Variants in OPCML observed in about 807,000 individuals in gnomAD.
The protein encoded by OPCML is opioid-binding protein/cell adhesion molecule.
A neutral mutation model predicts 37.8 loss-of-function variants in OPCML; 13 were observed. The observed-to-expected ratio is 0.34, with a 90% CI of 0.22 to 0.55. OPCML has a LOEUF of 0.55. Among genes scored for constraint, OPCML ranks in the 20% least tolerant of loss-of-function variants. The pLI, the probability that OPCML is intolerant of heterozygous loss-of-function variation, is 0.91. For synonymous variants in OPCML, 176 were observed against 168.8 expected (o/e 1.04, Z -0.33); for missense variants, 341 against 435.6 (o/e 0.78, Z 1.93).
At chr11:133,461,784 T>C (rs1431306957) in intron 1 of OPCML, among the ~76,000 whole-genome samples, 1 of 151,860 alleles carries the variant, frequency 6.6e-6, no homozygotes, top group African/African-American at 2.4e-5. Flanking sequence ...AAATTTATTC[T>C]AAAAGTCATA....
intron 2 of OPCML, among the ~76,000 whole-genome samples, chr11:132,849,815 C>G (rs996800587): frequency 2.0e-5 from 3 of 152,124 alleles, no homozygotes; most frequent in Non-Finnish European, 4.4e-5. Context: ...ACATGTAAAC[C>G]GGGGCAAATG....
chr11:132,661,438 C>T (rs1236122663), intron 2 of OPCML, among the ~76,000 whole-genome samples: 1 of 152,152 alleles, frequency 6.6e-6, no homozygotes, highest in African/African-American at 2.4e-5. Context: ...CCATAGGACT[C>T]TTCCATAGTC....
intron 2 of OPCML, among the ~76,000 whole-genome samples, chr11:132,793,594 T>C (rs1938089698): frequency 6.6e-6 from 1 of 152,154 alleles, no homozygotes; most frequent in Non-Finnish European, 1.5e-5. Context: ...TTTGAGGGTG[T>C]CTAATGCTCT....
chr11:132,985,870 A>G (rs1211745677), intron 1 of OPCML, among the ~76,000 whole-genome samples: 1 of 151,770 alleles, frequency 6.6e-6, no homozygotes. Flanking sequence ...GTCTGAATGT[A>G]TTTTCTCTTG....
chr11:132,883,031 A>G (rs1028225194), intron 2 of OPCML, among the ~76,000 whole-genome samples: 8 of 152,218 alleles, frequency 5.3e-5, no homozygotes, highest in Non-Finnish European at 1.0e-4. Flanking sequence ...GCGACAGTTG[A>G]AAAAGAATTC....
chr11:132,589,560 A>AT (rs2096480809), intron 3 of OPCML, among the ~76,000 whole-genome samples: 5 of 152,200 alleles, frequency 3.3e-5, no homozygotes, highest in African/African-American at 1.2e-4. Context: ...ACAAGAAGAT[A>AT]ATAGATTTTG....
At chr11:132,962,302 C>T (rs1047833649) in intron 1 of OPCML, among the ~76,000 whole-genome samples, 1 of 152,196 alleles carries the variant, frequency 6.6e-6, no homozygotes, top group Non-Finnish European at 1.5e-5. Context: ...CTCAGCCAAT[C>T]CCGGCCCGGG....
intron 1 of OPCML, chr11:133,009,121 A>G: frequency 1.0e-6 from 1 of 985,392 alleles, no homozygotes; most frequent in East Asian, 1.1e-4. Flanking sequence ...AATTCTATTT[A>G]ACAGAGAACA....
At chr11:133,295,670 G>A (rs975553516) in intron 1 of OPCML, among the ~76,000 whole-genome samples, 8 of 152,222 alleles carry the variant, frequency 5.3e-5, no homozygotes, top group African/African-American at 1.9e-4. Context: ...CCAGAGGGCT[G>A]CTGGTTGGCT....
chr11:132,772,779 C>T (rs1045806384), intron 2 of OPCML: 6 of 152,222 alleles, frequency 3.9e-5, no homozygotes, highest in African/African-American at 1.2e-4. Flanking sequence ...CTGTGAGCTA[C>T]ATCTCAAATG....
intron 1 of OPCML, among the ~76,000 whole-genome samples, chr11:133,270,922 G>A (rs894256861): frequency 6.6e-6 from 1 of 152,176 alleles, no homozygotes; most frequent in Non-Finnish European, 1.5e-5. Flanking sequence ...TTAGCCTGAG[G>A]AAGCTGTTGA....
chr11:132,608,850 G>A (rs891761674), intron 3 of OPCML, among the ~76,000 whole-genome samples: 3 of 152,056 alleles, frequency 2.0e-5, no homozygotes, highest in Non-Finnish European at 4.4e-5. Context: ...TCTGATCACC[G>A]CATCATCCTT....
intron 2 of OPCML, among the ~76,000 whole-genome samples, chr11:132,805,032 A>G (rs774948207): frequency 5.3e-5 from 8 of 152,222 alleles, no homozygotes; most frequent in Non-Finnish European, 1.2e-4. Flanking sequence ...ACAAAATTAT[A>G]GGAAAATATG....
chr11:132,528,312 G>A (rs1197182107), intron 4 of OPCML, among the ~76,000 whole-genome samples: 1 of 152,152 alleles, frequency 6.6e-6, no homozygotes, highest in Non-Finnish European at 1.5e-5. Flanking sequence ...ATGTTTGAAT[G>A]TTTAATGCCT....
intron 2 of OPCML, among the ~76,000 whole-genome samples, chr11:132,881,326 T>C (rs1943215671): frequency 6.6e-6 from 1 of 152,082 alleles, no homozygotes; most frequent in African/African-American, 2.4e-5. Context: ...GCGCCACACC[T>C]GGGAAGGGAA....
chr11:133,155,686 T>G (rs1660435995), intron 1 of OPCML, among the ~76,000 whole-genome samples: 1 of 152,212 alleles, frequency 6.6e-6, no homozygotes, highest in Non-Finnish European at 1.5e-5. Flanking sequence ...AGAACTCTTT[T>G]CTGAACTCAA....
intron 1 of OPCML, among the ~76,000 whole-genome samples, chr11:133,027,263 A>G (rs1350822211): frequency 6.6e-6 from 1 of 152,236 alleles, no homozygotes; most frequent in Non-Finnish European, 1.5e-5. Flanking sequence ...AACACAGGAG[A>G]CAATAGTAAT....
intron 2 of OPCML, among the ~76,000 whole-genome samples, chr11:132,692,006 C>T (rs899266623): frequency 2.6e-5 from 4 of 152,158 alleles, no homozygotes; most frequent in South Asian, 4.1e-4. Flanking sequence ...TTGCAGAACA[C>T]GTGCTTCAAT....
intron 1 of OPCML, among the ~76,000 whole-genome samples, chr11:133,011,818 G>A (rs1402501046): frequency 1.3e-5 from 2 of 152,118 alleles, no homozygotes; most frequent in Admixed American, 6.5e-5. Context: ...TAGGGCTAAC[G>A]TTATCTCTTC....
Sources: allele counts gnomAD v4.1 joint callset (sites outside exome capture counted in the v4.1 genomes callset), GRCh38; gene constraint gnomAD v4.1.1; transcripts MANE v1.5; gene names NCBI Gene and HGNC (gene_info 2026-07-23, HGNC 2026-07-21).